Variants in CNTN5 observed in about 807,000 individuals in gnomAD.
The protein encoded by CNTN5 is contactin-5.
CNTN5 carries 77 observed loss-of-function variants against 129.1 expected under a neutral mutation model. The ratio of observed to expected loss-of-function variants is 0.60; its 90% CI spans 0.50 to 0.72. CNTN5 has a LOEUF of 0.72. CNTN5 is among the 30% of genes least tolerant of loss of function. The probability of loss-of-function intolerance (pLI) is 0.00; values close to 1 mark genes in which losing one functional copy is unlikely to be tolerated. For missense variants in CNTN5, 1,478 were observed against 1,328.8 expected (o/e 1.11, Z -1.75); for synonymous variants, 509 against 465.6 (o/e 1.09, Z -1.20).
At chr11:99,760,688 ACT>A (rs1944549428) in intron 3 of CNTN5, among the ~76,000 whole-genome samples, 1 of 152,058 alleles carries the variant, frequency 6.6e-6, no homozygotes, top group African/African-American at 2.4e-5. Flanking sequence ...ATGAATACTG[ACT>A]CTCTTAAAGT....
intron 2 of CNTN5, among the ~76,000 whole-genome samples, chr11:99,358,449 T>C (rs1383923350): frequency 2.7e-5 from 4 of 150,616 alleles, no homozygotes. Context: ...CAGTCCCAGT[T>C]ACCAGGGAGC....
intron 3 of CNTN5, among the ~76,000 whole-genome samples, chr11:99,673,428 G>A (rs1953133521): frequency 1.3e-5 from 2 of 152,110 alleles, no homozygotes. Context: ...AACAGTGTCT[G>A]ATATATGGGC....
intron 15 of CNTN5, among the ~76,000 whole-genome samples, chr11:100,214,434 C>T (rs1949098973): frequency 6.6e-6 from 1 of 152,124 alleles, no homozygotes; most frequent in Non-Finnish European, 1.5e-5. Context: ...TCCCTAAATA[C>T]ACAGTTAAAC....
intron 21 of CNTN5, among the ~76,000 whole-genome samples, chr11:100,323,115 T>C (rs1407091647): frequency 6.6e-6 from 1 of 152,206 alleles, no homozygotes; most frequent in Non-Finnish European, 1.5e-5. Context: ...GTCCTCAGTG[T>C]AAAAAGCTGC....
intron 1 of CNTN5, among the ~76,000 whole-genome samples, chr11:99,298,837 A>G (rs1864499204): frequency 6.6e-6 from 1 of 152,056 alleles, no homozygotes; most frequent in African/African-American, 2.4e-5. Context: ...CCCTCCAACC[A>G]GAGACATGCC....
At chr11:99,483,112 C>T (rs1237941886) in intron 2 of CNTN5, among the ~76,000 whole-genome samples, 1 of 127,828 alleles carries the variant, frequency 7.8e-6, no homozygotes, top group African/African-American at 3.0e-5. Context: ...GGAGGTGGAG[C>T]TTGCAGTGAG....
At chr11:100,227,232 G>A (rs901705840) in intron 16 of CNTN5, among the ~76,000 whole-genome samples, 2 of 152,060 alleles carry the variant, frequency 1.3e-5, no homozygotes, top group Admixed American at 6.6e-5. Flanking sequence ...TTTGATGGAC[G>A]GGAACAACTT....
intron 13 of CNTN5, among the ~76,000 whole-genome samples, chr11:100,079,642 T>G (rs910199373): frequency 8.0e-6 from 1 of 125,046 alleles, no homozygotes; most frequent in Non-Finnish European, 1.9e-5. Context: ...TTTTAAAGAC[T>G]TTTTTTTTCA....
At chr11:100,243,063 A>G (rs906244532) in intron 16 of CNTN5, among the ~76,000 whole-genome samples, 2 of 152,180 alleles carry the variant, frequency 1.3e-5, no homozygotes, top group Non-Finnish European at 2.9e-5. Context: ...CCACCTCTGT[A>G]ATCCTTCAGA....
chr11:99,278,655 A>G (rs1400796695), intron 1 of CNTN5, among the ~76,000 whole-genome samples: 1 of 151,704 alleles, frequency 6.6e-6, no homozygotes, highest in Non-Finnish European at 1.5e-5. Context: ...TCACAAAAGC[A>G]TTGCTATCCG....
intron 3 of CNTN5, among the ~76,000 whole-genome samples, chr11:99,726,923 T>C (rs567317469): frequency 6.6e-6 from 1 of 152,274 alleles, no homozygotes; most frequent in African/African-American, 2.4e-5. Flanking sequence ...AGACACCGAC[T>C]TGAAAAAAAT....
At chr11:99,198,900 G>A (rs1233438735) in intron 1 of CNTN5, among the ~76,000 whole-genome samples, 1 of 152,118 alleles carries the variant, frequency 6.6e-6, no homozygotes, top group Non-Finnish European at 1.5e-5. Context: ...GACAGCCTCA[G>A]TCATATTCTA....
intron 13 of CNTN5, among the ~76,000 whole-genome samples, chr11:100,152,625 C>A (rs115996400): frequency 0.011 from 1,657 of 152,076 alleles, 22 homozygotes; most frequent in African/African-American, 0.038. Flanking sequence ...TTTCCCCAAA[C>A]GAAAACTGCA....
At chr11:99,053,630 A>T (rs1864514504) in intron 1 of CNTN5, among the ~76,000 whole-genome samples, 2 of 151,796 alleles carry the variant, frequency 1.3e-5, no homozygotes, top group African/African-American at 2.4e-5. Context: ...CCTTTTCTGA[A>T]GGGTGTTTAA....
intron 8 of CNTN5, among the ~76,000 whole-genome samples, chr11:99,991,293 C>G (rs1387931764): frequency 6.6e-6 from 1 of 151,938 alleles, no homozygotes; most frequent in Non-Finnish European, 1.5e-5. Context: ...CGGTGAAACC[C>G]CGTCTCTACT....
intron 16 of CNTN5, among the ~76,000 whole-genome samples, chr11:100,228,594 G>A (rs779506090): frequency 6.6e-6 from 1 of 152,070 alleles, no homozygotes; most frequent in Non-Finnish European, 1.5e-5. Flanking sequence ...TAAAATTTTG[G>A]CCGTTTTGTC....
chr11:100,171,165 T>C (rs1947815335), intron 13 of CNTN5, among the ~76,000 whole-genome samples: 1 of 152,034 alleles, frequency 6.6e-6, no homozygotes, highest in Admixed American at 6.6e-5. Context: ...ATAAATAAAA[T>C]GAGTTCTTTT....
chr11:100,003,322 A>G (rs1397626638), intron 9 of CNTN5, among the ~76,000 whole-genome samples: 2 of 152,166 alleles, frequency 1.3e-5, no homozygotes, highest in African/African-American at 2.4e-5. Flanking sequence ...TCCTAAACCT[A>G]AAGATGTTAG....
chr11:99,637,010 CAAAAA>C (rs869133131), intron 3 of CNTN5, among the ~76,000 whole-genome samples: 93 of 7,808 alleles, frequency 0.012, no homozygotes, highest in African/African-American at 0.021. Context: ...AACTTTGTCT[CAAAAA>C]AAAAAAAAAA....
Sources: gnomAD v4.1 joint callset for allele counts (sites outside exome capture counted in the v4.1 genomes callset) on GRCh38, gnomAD v4.1.1 for gene constraint, MANE v1.5 for transcripts, NCBI Gene and HGNC (gene_info 2026-07-23, HGNC 2026-07-21) for gene names.